The following RABGAP1L variants were observed in gnomAD, a reference collection of about 807,000 sequenced individuals.
RABGAP1L encodes RAB GTPase activating protein 1 like.
RABGAP1L carries 63 observed loss-of-function variants against 137.7 expected under a neutral mutation model. The observed-to-expected ratio is 0.46, with a 90% CI of 0.37 to 0.56. RABGAP1L has a LOEUF of 0.56. Ranked by LOEUF, RABGAP1L falls within the 20% of genes least tolerant of loss-of-function variation. The pLI, the probability that RABGAP1L is intolerant of heterozygous loss-of-function variation, is 0.00. For missense variants in RABGAP1L, 1,095 were observed against 1,244.0 expected (o/e 0.88, Z 1.80); for synonymous variants, 431 against 433.7 (o/e 0.99, Z 0.08).
intron 11 of RABGAP1L, among the ~76,000 whole-genome samples, chr1:174,311,034 G>A (rs778057539): frequency 8.6e-5 from 13 of 151,714 alleles, no homozygotes; most frequent in South Asian, 2.1e-4. Flanking sequence ...AACCATCCCC[G>A]CCTCCCCCTG....
chr1:174,736,873 A>G (rs926763326), intron 17 of RABGAP1L, among the ~76,000 whole-genome samples: 2 of 152,192 alleles, frequency 1.3e-5, no homozygotes, highest in African/African-American at 4.8e-5. Flanking sequence ...AACAGCTGGG[A>G]TGTGGGAAGC....
intron 5 of RABGAP1L, chr1:174,244,698 A>C (rs1386305746): frequency 1.3e-5 from 2 of 152,214 alleles, no homozygotes; most frequent in African/African-American, 4.8e-5. Flanking sequence ...AAGGTATCAG[A>C]AAGTGTAGTG....
chr1:174,574,789 A>G (rs996851440), intron 13 of RABGAP1L, among the ~76,000 whole-genome samples: 2 of 152,212 alleles, frequency 1.3e-5, no homozygotes, highest in Admixed American at 6.5e-5. Context: ...CCTAATACCT[A>G]AATGGCACAA....
chr1:174,756,942 A>G (rs2148690169), intron 18 of RABGAP1L: 1 of 915,648 alleles, frequency 1.1e-6, no homozygotes, highest in East Asian at 4.4e-5. Flanking sequence ...AGCCATTCTC[A>G]GAAGAGGTCT....
chr1:174,861,352 A>G (rs57053120), intron 19 of RABGAP1L, among the ~76,000 whole-genome samples: 11,724 of 152,184 alleles, frequency 0.077, 637 homozygotes, highest in East Asian at 0.32. Context: ...GTATCCATTC[A>G]TCCATCAACA....
At chr1:174,273,246 G>C (rs907049042) in intron 8 of RABGAP1L, among the ~76,000 whole-genome samples, 1 of 151,652 alleles carries the variant, frequency 6.6e-6, no homozygotes, top group Non-Finnish European at 1.5e-5. Flanking sequence ...ACTTTTTTTT[G>C]AGTAATTTCA....
At chr1:174,916,347 C>T (rs1338647176) in intron 19 of RABGAP1L, among the ~76,000 whole-genome samples, 2 of 152,122 alleles carry the variant, frequency 1.3e-5, no homozygotes, top group African/African-American at 2.4e-5. Flanking sequence ...CTTGCTTTTA[C>T]ATGCAATCTT....
At chr1:174,622,595 G>T (rs6675515) in intron 13 of RABGAP1L, among the ~76,000 whole-genome samples, 2 of 151,946 alleles carry the variant, frequency 1.3e-5, no homozygotes, top group African/African-American at 4.8e-5. Context: ...TCAGCAAACT[G>T]TCACAAGGAC....
At chr1:174,459,515 A>G (rs1184145457) in intron 13 of RABGAP1L, among the ~76,000 whole-genome samples, 1 of 152,082 alleles carries the variant, frequency 6.6e-6, no homozygotes, top group African/African-American at 2.4e-5. Context: ...AATAACCTAC[A>G]CACACCCTTC....
intron 12 of RABGAP1L, among the ~76,000 whole-genome samples, chr1:174,373,255 T>A (rs950163376): frequency 1.3e-5 from 2 of 152,156 alleles, no homozygotes; most frequent in African/African-American, 4.8e-5. Flanking sequence ...ACTTTTTCAG[T>A]CTCAGACCAG....
At chr1:174,581,490 T>C (rs1224331021) in intron 13 of RABGAP1L, among the ~76,000 whole-genome samples, 4 of 152,204 alleles carry the variant, frequency 2.6e-5, no homozygotes, top group Non-Finnish European at 4.4e-5. Context: ...TAGGCAAATT[T>C]ATTTGAGATA....
intron 19 of RABGAP1L, among the ~76,000 whole-genome samples, chr1:174,911,530 T>C (rs137856346): frequency 1.3e-5 from 2 of 152,360 alleles, no homozygotes; most frequent in Admixed American, 6.5e-5. Flanking sequence ...CTTAGGAGAC[T>C]GGAGATAAAT....
chr1:174,786,497 C>A (rs1271587968), intron 18 of RABGAP1L, among the ~76,000 whole-genome samples: 1 of 152,206 alleles, frequency 6.6e-6, no homozygotes, highest in Non-Finnish European at 1.5e-5. Flanking sequence ...TGTGTCCATC[C>A]TGTAAAGCAT....
intron 13 of RABGAP1L, among the ~76,000 whole-genome samples, chr1:174,556,831 A>G (rs1666912223): frequency 6.6e-6 from 1 of 152,162 alleles, no homozygotes; most frequent in African/African-American, 2.4e-5. Context: ...GAATCTGGAG[A>G]TTTGTACTAA....
chr1:174,403,356 T>C (rs1648874021), intron 13 of RABGAP1L, among the ~76,000 whole-genome samples: 1 of 151,654 alleles, frequency 6.6e-6, no homozygotes, highest in Admixed American at 6.6e-5. Context: ...GGTGTGATCA[T>C]AGTGCACTGC....
intron 1 of RABGAP1L, among the ~76,000 whole-genome samples, chr1:174,182,019 GACAGTT>G (rs1474072614): frequency 6.6e-6 from 1 of 152,218 alleles, no homozygotes; most frequent in Non-Finnish European, 1.5e-5. Context: ...ATGGAGATTT[GACAGTT>G]ACAGTGGTTA....
At chr1:174,306,692 C>T (rs1678289143) in intron 11 of RABGAP1L, among the ~76,000 whole-genome samples, 2 of 152,022 alleles carry the variant, frequency 1.3e-5, no homozygotes, top group Non-Finnish European at 2.9e-5. Flanking sequence ...GTACCCCTTA[C>T]CACTGCTTTT....
At position 174,542,854 on chromosome 1, in the gene RABGAP1L, T is replaced by C. The variant is rs192057457; in HGVS notation, c.1711-94521T>C. 1.2e-3 allele frequency among the ~76,000 whole-genome samples: 184 copies of C among 152,306 alleles called. 2 individuals are homozygous for C. Among genetic ancestry groups the C allele is most frequent in the African/African-American group, 4.2e-3 (173 of 41,568 alleles). On this transcript the variant is annotated intron_variant, in intron 13 of 25. Transcript: ENST00000681986. ...TTCTGCCTTCATTTCGTTATGTACC[T>C]GGTAGTCATTCAGGACAAGGTTGTT...
At chr1:174,792,222 C>T (rs1480555446) in intron 18 of RABGAP1L, among the ~76,000 whole-genome samples, 1 of 152,138 alleles carries the variant, frequency 6.6e-6, no homozygotes, top group Non-Finnish European at 1.5e-5. Context: ...TTCTAGGGTC[C>T]AACAAGGTTT....
Sources: allele counts gnomAD v4.1 joint callset (sites outside exome capture counted in the v4.1 genomes callset), GRCh38; gene constraint gnomAD v4.1.1; transcripts MANE v1.5; gene names NCBI Gene and HGNC (gene_info 2026-07-23, HGNC 2026-07-21).